The following REXO5 variants were observed in gnomAD, a reference collection of about 807,000 sequenced individuals.
The protein encoded by REXO5 is exonuclease NEF-sp.
REXO5 carries 48 observed loss-of-function variants against 88.5 expected under a neutral mutation model. That is an observed-to-expected ratio of 0.54 (90% confidence interval 0.43 to 0.69). REXO5 has a LOEUF of 0.69. Ranked by LOEUF, REXO5 falls within the 30% of genes least tolerant of loss-of-function variation. The pLI, the probability that REXO5 is intolerant of heterozygous loss-of-function variation, is 0.00. For missense variants in REXO5, 749 were observed against 912.2 expected (o/e 0.82, Z 2.30); for synonymous variants, 311 against 336.5 (o/e 0.92, Z 0.83).
chr16:20,808,369 T>C (rs2080942607), intron 2 of REXO5, among the ~76,000 whole-genome samples: 1 of 152,200 alleles, frequency 6.6e-6, no homozygotes, highest in East Asian at 1.9e-4. Flanking sequence ...TCTGCTCTGC[T>C]GGACTCAGGC....
chr16:20,813,604 C>T (rs752159119), intron 3 of REXO5, among the ~76,000 whole-genome samples: 3 of 152,084 alleles, frequency 2.0e-5, no homozygotes, highest in African/African-American at 4.8e-5. Context: ...TTATATGGGA[C>T]ATGTATACTA....
chr16:20,832,077 G>A, intron 11 of REXO5, 79 bp from the exon 12 acceptor site: 1 of 985,878 alleles, frequency 1.0e-6, no homozygotes, highest in South Asian at 1.5e-5. Flanking sequence ...TTTTGTTGTT[G>A]TTGCTTTTTG....
At chr16:20,836,633 G>C (rs970010591) in intron 13 of REXO5, among the ~76,000 whole-genome samples, 1 of 152,088 alleles carries the variant, frequency 6.6e-6, no homozygotes, top group Admixed American at 6.6e-5. Flanking sequence ...AAACACATTT[G>C]GGCAAATACC....
At chr16:20,837,951 A>G (rs1180830549) in intron 13 of REXO5, among the ~76,000 whole-genome samples, 1 of 152,024 alleles carries the variant, frequency 6.6e-6, no homozygotes, top group East Asian at 1.9e-4. Context: ...TTTTTTATAC[A>G]GATGAGGTCT....
chr16:20,848,704 A>T (rs11643153), intron 19 of REXO5, among the ~76,000 whole-genome samples: 24,081 of 152,280 alleles, frequency 0.16, 2,586 homozygotes, highest in East Asian at 0.42. Flanking sequence ...AATATTCATT[A>T]CAAGGTGGCA....
chr16:20,807,250 C>T (rs182372871), intron 2 of REXO5, 159 bp downstream of exon 2: 91 of 807,968 alleles, frequency 1.1e-4, no homozygotes, highest in Middle Eastern at 7.5e-4. Context: ...TGTAATACCA[C>T]CTTCCTGCAA....
At chr16:20,827,002 A>G in intron 8 of REXO5, 56 bp from the exon 9 acceptor site, 3 of 1,560,186 alleles carry the variant, frequency 1.9e-6, no homozygotes, top group African/African-American at 1.4e-5. Context: ...ATCACTTTCC[A>G]GAGAGGAAAA....
chr16:20,845,522 G>A (rs1045414111), intron 18 of REXO5, among the ~76,000 whole-genome samples: 2 of 152,080 alleles, frequency 1.3e-5, no homozygotes, highest in Admixed American at 6.6e-5. Flanking sequence ...CTAGTCTAGG[G>A]TTTCCCAAAG....
chr16:20,833,598 A>T (rs183324755), intron 13 of REXO5, among the ~76,000 whole-genome samples: 3 of 152,208 alleles, frequency 2.0e-5, no homozygotes, highest in Admixed American at 2.0e-4. Context: ...TGAATGGTAG[A>T]ACACCTGTAT....
intron 3 of REXO5, among the ~76,000 whole-genome samples, 153 bp from the exon 4 acceptor site, chr16:20,814,774 G>A (rs757894909): frequency 9.2e-5 from 14 of 152,182 alleles, no homozygotes; most frequent in Non-Finnish European, 1.5e-4. Flanking sequence ...AATAATGGCT[G>A]TCTTCCAGTT....
In REXO5 at chr16:20,816,130, T is replaced by G; in HGVS notation, c.393T>G (p.Pro131=). 6.2e-7 allele frequency: 1 copy of G among 1,614,066 alleles called. No homozygotes were observed. Among genetic ancestry groups the G allele is most frequent in the Non-Finnish European group, 8.5e-7 (1 of 1,179,970 alleles). Residue 131 remains proline, a synonymous_variant, in exon 5 of 20, where the codon CCT becomes CCG. Coordinates refer to ENST00000261377, the MANE Select transcript of REXO5 (RefSeq NM_030941.3). ...RKAFRHKFRL[P]PPSSDFLADV... is the part of the protein sequence containing the mutation. The stretch of plus-strand genomic sequence containing the variant: ...TATATTTTCAGAAATTCCGCTTGCC[T>G]CCACCATCATCTGATTTTCTAGCTG...
chr16:20,844,869 G>A, intron 17 of REXO5, 24 bp downstream of exon 17: 1 of 1,603,104 alleles, frequency 6.2e-7, no homozygotes, highest in Non-Finnish European at 8.5e-7. Context: ...ACTGAATGTA[G>A]CTTTGGGGAA....
intron 5 of REXO5, among the ~76,000 whole-genome samples, chr16:20,820,544 ATTTTTTTTTTTTTTTT>A (rs869068102): frequency 7.5e-5 from 1 of 13,268 alleles, no homozygotes; most frequent in Non-Finnish European, 1.3e-4. Flanking sequence ...ATATATATAT[ATTTTTTTTTTTTTTTT>A]TTTTTTTTTT....
Position 20,839,735 on chromosome 16 carries a change from G to A in REXO5, c.1384-20G>A, listed in dbSNP as rs759937408. 1.3e-5 allele frequency: 20 copies of A among 1,564,080 alleles called. No homozygotes were observed. The South Asian group carries it at 1.5e-4, about 11-fold the overall frequency. On this transcript the variant is annotated intron_variant, in intron 13 of 19. Coordinates refer to ENST00000261377, the MANE Select transcript of REXO5 (RefSeq NM_030941.3). ...GAGTATGAGGTTCCTACCTTATCCAGGCTGTGCTGTTCTCTACAGGTTCTT... is the reference window on the plus strand; with the variant it reads ...GAGTATGAGGTTCCTACCTTATCCAAGCTGTGCTGTTCTCTACAGGTTCTT...
In REXO5 at chr16:20,827,082, TCTTAACCCAGTGACGAC is replaced by T; in HGVS notation, c.848_864del (p.Leu283GlnfsTer16). ...GCTTTTCGGGAATCACGAAGAAGAT[TCTTAACCCAGTGACGAC>T]CAAACTCAAAGATGTACAGAGGCAG... On this transcript the variant is annotated frameshift_variant, in exon 9 of 20. Transcript: ENST00000261377. LOFTEE classifies it high-confidence loss of function. 6.2e-7 allele frequency: 1 copy of T among 1,614,066 alleles called. No homozygotes were observed. The highest frequency in any genetic ancestry group is 8.5e-7 in the Non-Finnish European group (1 of 1,179,966).
chr16:20,814,887 G>C, intron 3 of REXO5, 40 bp from the exon 4 acceptor site: 1 of 1,581,466 alleles, frequency 6.3e-7, no homozygotes, highest in Non-Finnish European at 8.6e-7. Flanking sequence ...ACTGACTTAA[G>C]GCCATCTGTC....
At chr16:20,824,664 T>C in intron 7 of REXO5, 137 bp downstream of exon 7, 1 of 645,034 alleles carries the variant, frequency 1.6e-6, no homozygotes, top group South Asian at 1.7e-5. Context: ...AAGTAGGTCC[T>C]TTTACTCACA....
intron 11 of REXO5, 25 bp downstream of exon 11, chr16:20,828,562 C>T (rs1437658191): frequency 6.8e-7 from 1 of 1,461,524 alleles, no homozygotes; most frequent in Admixed American, 1.7e-5. Flanking sequence ...CCAGTGTGTT[C>T]ACCTTTTCTT....
At chr16:20,832,939 G>C in intron 12 of REXO5, 64 bp from the exon 13 acceptor site, 3 of 1,489,162 alleles carry the variant, frequency 2.0e-6, no homozygotes, top group Non-Finnish European at 2.8e-6. Flanking sequence ...TGCAAGTATA[G>C]AGAAATAACT....
Sources: gnomAD v4.1 joint callset for allele counts (sites outside exome capture counted in the v4.1 genomes callset) on GRCh38, gnomAD v4.1.1 for gene constraint, MANE v1.5 for transcripts, NCBI Gene and HGNC (gene_info 2026-07-23, HGNC 2026-07-21) for gene names.